Variants in PHF10 observed in about 807,000 individuals in gnomAD.
PHF10 encodes the protein PHD finger protein 10, also known as BRG1-associated factor 45a.
Under a neutral mutation model 68.5 loss-of-function variants are expected in PHF10, and 51 were observed. That is an observed-to-expected ratio of 0.74 (90% CI 0.59 to 0.94). The LOEUF (loss-of-function observed/expected upper bound fraction) is 0.94. Ranked by LOEUF, PHF10 falls within the 40% of genes least tolerant of loss-of-function variation. The pLI is 0.00. For missense variants in PHF10, 460 were observed against 602.6 expected (o/e 0.76, Z 2.48); for synonymous variants, 204 against 203.5 (o/e 1.00, Z -0.02).
chr6:169,705,355 T>A (rs1554407825), intron 10 of PHF10, 34 bp from the exon 11 acceptor site: 1 of 1,444,694 alleles, frequency 6.9e-7, no homozygotes, highest in Admixed American at 2.0e-5. Context: ...GTATCTCACA[T>A]AAGAAATTTT....
chr6:169,715,816 T>C lies in PHF10; in HGVS notation c.585A>G (p.Lys195=). 1 of 1,613,930 alleles carries C rather than the reference T, an allele frequency of 6.2e-7. No homozygotes were observed. Among genetic ancestry groups the C allele is most frequent in the East Asian group, 2.2e-5 (1 of 44,878 alleles). ...CAGCTTTCTTAATATACTCAGGCAC[T>C]TTACTGGCTTCAACTTTCTGAGTAT... ...QQNTQKVEAS[K]VPEYIKKAAK... Residue 195 remains lysine (K), a synonymous_variant, in exon 6 of 12, where the codon AAA becomes AAG. Transcript: ENST00000339209.
intron 8 of PHF10, among the ~76,000 whole-genome samples, chr6:169,712,114 A>C (rs1788938825): frequency 6.6e-6 from 1 of 152,232 alleles, no homozygotes; most frequent in South Asian, 2.1e-4. Flanking sequence ...AAGAGACAGC[A>C]AGTTGAATAA....
chr6:169,709,090 T>G (rs1788871575), intron 9 of PHF10: 1 of 152,190 alleles, frequency 6.6e-6, no homozygotes, highest in Admixed American at 6.5e-5. Flanking sequence ...AAAAAGAATT[T>G]TTAAGTTAAT....
chr6:169,715,845 G>T lies in PHF10; in HGVS notation c.556C>A (p.Gln186Lys). The T allele has an allele frequency of 6.2e-7, 1 of 1,607,714 alleles. No individual in the cohort carries two copies. The highest frequency in any genetic ancestry group is 1.3e-5 in the African/African-American group (1 of 74,404). The change falls in exon 6 of 12, where the codon CAG becomes AAG. Residue 186 changes from glutamine to lysine, a missense_variant. This residue lies in a region of PHF10 where 256 missense variants were observed against 410.5 expected (regional missense o/e 0.62). Coordinates refer to ENST00000339209, the MANE Select transcript of PHF10 (RefSeq NM_018288.4). Reference protein sequence around the residue: ...HYKEYSQMQQQNTQKVEASKV... With the variant: ...HYKEYSQMQQKNTQKVEASKV... ...CTGGCTTCAACTTTCTGAGTATTCT[G>T]TTGTTGCATTTGCTGGAAAAAAAAA... is the stretch of plus-strand genomic sequence containing the variant.
At chr6:169,720,169 T>C (rs1224990039) in intron 2 of PHF10, among the ~76,000 whole-genome samples, 4 of 152,040 alleles carry the variant, frequency 2.6e-5, no homozygotes, top group Non-Finnish European at 1.5e-5. Context: ...AATAACAAAT[T>C]GGTGAGAAAT....
At chr6:169,718,961 T>C in intron 2 of PHF10, 43 bp from the exon 3 acceptor site, 1 of 1,267,554 alleles carries the variant, frequency 7.9e-7, no homozygotes. Context: ...GTAGCTTTCA[T>C]TAATTTTTAA....
At position 169,718,818 on chromosome 6, in the gene PHF10, C is replaced by T; in HGVS notation, c.295G>A (p.Gly99Ser). ...TATTTCCTTTTAAAGGAGGTCACAC[C>T]CAAATATTCACTGACTTGTTCTTGA... ...MLQEQVSEYL[G>S]VTSFKRKYPD... Residue 99 changes from glycine to serine, a missense_variant, in exon 3 of 12, where the codon GGT becomes AGT. Physicochemically the swap from Gly to Ser is moderately conservative, Grantham distance 56. Around this residue, in one of 3 missense-constraint regions of PHF10, gnomAD observed 256 missense variants for 410.5 expected, o/e 0.62. Transcript: ENST00000339209. 6.3e-7 allele frequency: 1 copy of T among 1,586,064 alleles called. No homozygotes were observed. The highest frequency in any genetic ancestry group is 8.6e-7 in the Non-Finnish European group (1 of 1,157,144).
intron 6 of PHF10, 32 bp from the exon 7 acceptor site, chr6:169,714,874 A>G: frequency 9.6e-7 from 1 of 1,042,822 alleles, no homozygotes; most frequent in Non-Finnish European, 1.5e-6. Flanking sequence ...CACAAAACTG[A>G]TTCCATGCTA....
rs1331735996 is a variant in PHF10 at position 169,723,857 on chromosome 6, C to A, written c.75G>T (p.Ala25=). 1.7e-5 allele frequency: 19 copies of A among 1,086,728 alleles called. No homozygotes were observed. In the Middle Eastern group the frequency reaches 1.5e-3, roughly 88 times the overall value. 67.3% of individuals were successfully genotyped at this position (1,086,728 alleles called of 1,614,324 possible). ...PCDSDPATPG[A]QSPKDDNEDN... ...GCCGCTTCCTCACCTTCGGGGACTG[C>A]GCTCCGGGGGTGGCTGGGTCGCTGT... Residue 25 remains alanine (A), a synonymous_variant, in exon 1 of 12, where the codon GCG becomes GCT. Coordinates refer to ENST00000339209, the MANE Select transcript of PHF10 (RefSeq NM_018288.4).
chr6:169,712,536 G>A lies in PHF10; in HGVS notation c.807C>T (p.Tyr269=), dbSNP rs754440377. Residue 269 remains tyrosine, a synonymous_variant, in exon 8 of 12, where the codon TAC becomes TAT. Transcript: ENST00000339209. ...GCAGATACCGCAGCTCATCTGGTGA[G>A]TACCTGAAGTTCAGAGAGTTTATTT... ...PGQFQEYYKR[Y]SPDELRYLPL... 11 of 1,604,338 alleles carry A rather than the reference G, an allele frequency of 6.9e-6. No individual in the cohort carries two copies. The highest frequency in any genetic ancestry group is 1.7e-4 in the Middle Eastern group (1 of 6,044).
chr6:169,723,767 C>T, intron 1 of PHF10, 78 bp downstream of exon 1: 1 of 415,972 alleles, frequency 2.4e-6, no homozygotes. Flanking sequence ...TGGGCGGCCG[C>T]CGGTGGGACT....
intron 9 of PHF10, chr6:169,709,256 A>G (rs1047185103): frequency 1.3e-5 from 2 of 152,152 alleles, no homozygotes; most frequent in Non-Finnish European, 2.9e-5. Context: ...ATTTACCACA[A>G]TCACAGTTCT....
intron 2 of PHF10, among the ~76,000 whole-genome samples, chr6:169,719,973 C>CAA (rs35531685): frequency 5.1e-4 from 77 of 150,628 alleles, no homozygotes; most frequent in African/African-American, 1.6e-3. Context: ...GCTCCTACAA[C>CAA]AAAAAAAACC....
At chr6:169,711,274 A>G (rs1788921924) in intron 8 of PHF10, among the ~76,000 whole-genome samples, 1 of 152,154 alleles carries the variant, frequency 6.6e-6, no homozygotes, top group Non-Finnish European at 1.5e-5. Context: ...CATTATGTGC[A>G]TTTTCTCACA....
In PHF10 at chr6:169,705,850, GAC is replaced by G. The variant is rs1788766809; in HGVS notation, c.1114-128_1114-127del. 3 of 640,912 alleles carry G rather than the reference GAC, an allele frequency of 4.7e-6. No individual in the cohort carries two copies. The African/African-American group carries it at 5.5e-5, about 12-fold the overall frequency. 39.7% of individuals were successfully genotyped at this position (640,912 alleles called of 1,614,324 possible). A position where few individuals can be genotyped will look rare whatever the true frequency, so the allele number is the denominator to read the frequency against. On this transcript the variant is annotated intron_variant, in intron 9 of 11. Coordinates refer to ENST00000339209, the MANE Select transcript of PHF10 (RefSeq NM_018288.4). ...CTTGCTAATGAGGACCATTTTGAAA[GAC>G]AAAACTTGACAGGAGTCTGCCTACA...
At position 169,710,265 on chromosome 6, in the gene PHF10, C is replaced by T. The variant is rs34227712; in HGVS notation, c.1084G>A (p.Val362Ile). ...TPRKDGPKRS[V>I]LSKSVPGYKP... ...TACCCAGGAACTGACTTGGACAGTA[C>T]AGAACGTTTGGGACCATCTTTTCTT... The change falls in exon 9 of 12, where the codon GTA (valine) becomes ATA (isoleucine). Residue 362 changes from valine to isoleucine, a missense_variant. Val to Ile is a conservative substitution (Grantham distance 29). This residue lies in a region of PHF10 where 256 missense variants were observed against 410.5 expected (regional missense o/e 0.62). Coordinates refer to ENST00000339209, the MANE Select transcript of PHF10 (RefSeq NM_018288.4). 2.3e-5 allele frequency: 37 copies of T among 1,612,594 alleles called. No homozygotes were observed. The East Asian group carries it at 2.5e-4, about 11-fold the overall frequency.
intron 7 of PHF10, 134 bp downstream of exon 7, chr6:169,714,599 A>G: frequency 1.5e-6 from 1 of 659,270 alleles, no homozygotes; most frequent in Non-Finnish European, 2.7e-6. Flanking sequence ...ACCAGAGAAG[A>G]ATAGCAACAC....
chr6:169,714,251 G>C (rs2128330177), intron 7 of PHF10, among the ~76,000 whole-genome samples: 1 of 152,354 alleles, frequency 6.6e-6, no homozygotes, highest in South Asian at 2.1e-4. Context: ...GGGGCACCCA[G>C]TTGCCCATGC....
rs928976931 is a variant in PHF10 at position 169,714,620 on chromosome 6, C to T, written c.803+113G>A. On this transcript the variant is annotated intron_variant, in intron 7 of 11. Coordinates refer to ENST00000339209, the MANE Select transcript of PHF10 (RefSeq NM_018288.4). ...GAAGAATAGCAACACAAATCCTATA[C>T]GATATCTTACGGTGATATCTATAGA... The T allele has an allele frequency of 8.7e-6, 6 of 691,722 alleles. No homozygotes were observed. The Admixed American group carries it at 9.1e-5, about 10-fold the overall frequency. The allele number at this position is 691,722 out of a possible 1,614,324, so 42.8% of individuals were successfully genotyped here.
Sources: gnomAD v4.1 joint callset for allele counts (sites outside exome capture counted in the v4.1 genomes callset) on GRCh38, gnomAD v4.1.1 for gene constraint, gnomAD v4.1.1 regional missense constraint, MANE v1.5 for transcripts, NCBI Gene and HGNC (gene_info 2026-07-23, HGNC 2026-07-21) for gene names.